The following CYGB variants were observed in gnomAD, a reference collection of about 807,000 sequenced individuals.
The protein encoded by CYGB is cytoglobin, also known as histoglobin.
In CYGB, 13 loss-of-function variants were observed where a neutral mutation model predicts 20.7. The observed-to-expected ratio is 0.63, with a 90% CI of 0.41 to 1.00. The LOEUF (loss-of-function observed/expected upper bound fraction) is 1.00. CYGB is among the 50% of genes least tolerant of loss of function. CYGB has a pLI of 0.00. For missense variants in CYGB, 218 were observed against 257.2 expected (o/e 0.85, Z 1.04); for synonymous variants, 93 against 107.4 (o/e 0.87, Z 0.83).
upstream of CYGB, chr17:76,540,648 C>CA: frequency 7.6e-6 from 11 of 1,455,996 alleles, no homozygotes; most frequent in Non-Finnish European, 1.1e-5. The surrounding 1 kb of genome is among the most constrained non-coding windows in gnomAD (Gnocchi z 5.0). Flanking sequence ...TGGGGGTGCA[C>CA]GTGTGTGCCT....
chr17:76,549,127 C>T (rs928525059), intron 1 of CYGB, among the ~76,000 whole-genome samples: 8 of 152,190 alleles, frequency 5.3e-5, no homozygotes, highest in African/African-American at 1.9e-4. Flanking sequence ...AAAATCAATA[C>T]ACTGGACTTT....
At chr17:76,548,896 T>C (rs534147382) in intron 1 of CYGB, among the ~76,000 whole-genome samples, 117 of 152,284 alleles carry the variant, frequency 7.7e-4, no homozygotes, top group African/African-American at 2.7e-3. Context: ...AGCTTCTGCC[T>C]GGAGACAGTT....
At chr17:76,544,441 T>G (rs2075030496) in intron 1 of CYGB, 1 of 454,838 alleles carries the variant, frequency 2.2e-6, no homozygotes. Context: ...TGCACCCCGC[T>G]GGGGAGGGCC....
rs1162789890 is a variant in CYGB, at chr17:76,537,499, C to T, written c.44G>A (p.Arg15Gln). 2 of 1,579,446 alleles carry T rather than the reference C, an allele frequency of 1.3e-6. No individual in the cohort carries two copies. Among genetic ancestry groups the T allele is most frequent in the Admixed American group, 3.5e-5 (2 of 56,978 alleles). ...PGEMEIERRERSEELSEAERK... is the reference protein window; with the variant it reads ...PGEMEIERREQSEELSEAERK... ...CTCCGCCTCGGACAGCTCCTCGCTC[C>T]GCTCCCTGCGCTCGATCTCCATCTC... Residue 15 changes from arginine (R) to glutamine (Q), a missense_variant, in exon 1 of 4, where the codon CGG (arginine) becomes CAG (glutamine). Arg to Gln is a conservative substitution (Grantham distance 43). This residue lies in a region of CYGB where 152 missense variants were observed against 149.9 expected (regional missense o/e 1.01). Coordinates refer to ENST00000293230, the MANE Select transcript of CYGB (RefSeq NM_134268.5).
rs1020713425 is a variant in CYGB, at chr17:76,528,458, A to G, written c.*120T>C. ...GCCGCCACAGAGGCCTCCTTCGGGGAAGTTGAGTCAGGGATTCCTCCAGCT... is the reference window on the plus strand; with the variant it reads ...GCCGCCACAGAGGCCTCCTTCGGGGGAGTTGAGTCAGGGATTCCTCCAGCT... On this transcript the variant is annotated 3_prime_UTR_variant, in exon 4 of 4. Coordinates refer to ENST00000293230, the MANE Select transcript of CYGB (RefSeq NM_134268.5). The surrounding 1 kb of genome is among the most constrained non-coding windows in gnomAD (Gnocchi z 5.8). 2.1e-6 allele frequency: 2 copies of G among 971,030 alleles called. No individual in the cohort carries two copies. The highest frequency in any genetic ancestry group is 3.4e-5 in the African/African-American group (2 of 59,028). The allele number at this position is 971,030 out of a possible 1,614,324, so 60.2% of individuals were successfully genotyped here. A position where few individuals can be genotyped will look rare whatever the true frequency, so the allele number is the denominator to read the frequency against.
chr17:76,528,049 T>C lies in CYGB; in HGVS notation c.*529A>G, dbSNP rs2074788130. 2.7e-6 allele frequency: 1 copy of C among 371,090 alleles called. No individual in the cohort carries two copies. Among genetic ancestry groups the C allele is most frequent in the African/African-American group, 2.1e-5 (1 of 47,660 alleles). 23.0% of individuals were successfully genotyped at this position (371,090 alleles called of 1,614,324 possible). A position where few individuals can be genotyped will look rare whatever the true frequency, so the allele number is the denominator to read the frequency against. ...TCTCTGCACAACCGGAACCCCTCCC[T>C]GCCCCACTCACAGGTGGGCCAAACC... On this transcript the variant is annotated 3_prime_UTR_variant, in exon 4 of 4. Coordinates refer to ENST00000293230, the MANE Select transcript of CYGB (RefSeq NM_134268.5). This position sits in a 1 kb window ranked among gnomAD's most constrained non-coding sequence, Gnocchi z 5.8.
At chr17:76,534,398 C>T (rs149369944) in intron 1 of CYGB, among the ~76,000 whole-genome samples, 355 of 152,272 alleles carry the variant, frequency 2.3e-3, no homozygotes, top group Admixed American at 4.4e-3. Flanking sequence ...AGGCTGGTGT[C>T]GAACTCCTGA....
At position 76,528,289 on chromosome 17, in the gene CYGB, C is replaced by T. The variant is rs867492091; in HGVS notation, c.*289G>A. 6 of 400,088 alleles carry T rather than the reference C, an allele frequency of 1.5e-5. No individual in the cohort carries two copies. Among genetic ancestry groups the T allele is most frequent in the East Asian group, 1.4e-4 (4 of 28,100 alleles). 24.8% of individuals were successfully genotyped at this position (400,088 alleles called of 1,614,324 possible). On this transcript the variant is annotated 3_prime_UTR_variant, in exon 4 of 4. Transcript: ENST00000293230. This position sits in a 1 kb window ranked among gnomAD's most constrained non-coding sequence, Gnocchi z 5.8. ...CCCTAAGGGACTCCTAGACCTGTCC[C>T]GCTTCCTGCCAGCCGCTCAGCTAGG...
At position 76,537,579 on chromosome 17, in the gene CYGB, C is replaced by T; in HGVS notation, c.-37G>A. ...AGCCCAGCCCGGCTTTGCTCGGCGG[C>T]GGCGGTGGCGGGGCGCGGGGCGCGG... On this transcript the variant is annotated 5_prime_UTR_variant, in exon 1 of 4. Transcript: ENST00000293230. The T allele has an allele frequency of 8.0e-7, 1 of 1,254,092 alleles. No individual in the cohort carries two copies. Among genetic ancestry groups the T allele is most frequent in the Non-Finnish European group, 1.0e-6 (1 of 989,752 alleles). The allele number at this position is 1,254,092 out of a possible 1,614,324, so 77.7% of individuals were successfully genotyped here. A position where few individuals can be genotyped will look rare whatever the true frequency, so the allele number is the denominator to read the frequency against.
In CYGB at chr17:76,544,414, C is replaced by T. The variant is rs886053479; in HGVS notation, c.-53+6448G>A. 4.4e-6 allele frequency: 2 copies of T among 454,712 alleles called. No individual in the cohort carries two copies. The highest frequency in any genetic ancestry group is 8.8e-6 in the Non-Finnish European group (2 of 226,962). 28.2% of individuals were successfully genotyped at this position (454,712 alleles called of 1,614,324 possible). ...CAGAGGGAACCGCTGGGGAGGCGCT[C>T]AGGGTGGGGGAGGAGGTGCACCCCG... On this transcript the variant is annotated intron_variant, in intron 1 of 3. Transcript: ENST00000589145.
At chr17:76,543,938 T>C in intron 1 of CYGB, 1 of 469,830 alleles carries the variant, frequency 2.1e-6, no homozygotes, top group Non-Finnish European at 4.4e-6. Flanking sequence ...TTTCTGTATG[T>C]GTGCAAGCGC....
At position 76,528,592 on chromosome 17, in the gene CYGB, A is replaced by T; in HGVS notation, c.559T>A (p.Ser187Thr). The T allele has an allele frequency of 7.8e-7, 1 of 1,285,100 alleles. No individual in the cohort carries two copies. Among genetic ancestry groups the T allele is most frequent in the South Asian group, 3.2e-5 (1 of 31,218 alleles). The allele number at this position is 1,285,100 out of a possible 1,614,324, so 79.6% of individuals were successfully genotyped here. A position where few individuals can be genotyped will look rare whatever the true frequency, so the allele number is the denominator to read the frequency against. The stretch of plus-strand genomic sequence containing the variant: ...AGTTAGGGGTCCTACGGCCCCGAAG[A>T]GGGCAGTGTGGCCGGTGGGCTGTGG... ...NATTPPATLP[S>T]SGP The change falls in exon 4 of 4, where the codon TCT (serine) becomes ACT (threonine). Residue 187 changes from serine (S) to threonine (T), a missense_variant. This residue lies in a region of CYGB where 66 missense variants were observed against 107.4 expected (regional missense o/e 0.61). Coordinates refer to ENST00000293230, the MANE Select transcript of CYGB (RefSeq NM_134268.5). This position sits in a 1 kb window ranked among gnomAD's most constrained non-coding sequence, Gnocchi z 5.8.
chr17:76,538,208 G>T (rs1377467857), upstream of CYGB: 1 of 157,998 alleles, frequency 6.3e-6, no homozygotes, highest in Non-Finnish European at 1.4e-5. Context: ...CCCCTCCGGC[G>T]GCCGCCGTGG....
chr17:76,544,055 G>C (rs2075024529), intron 1 of CYGB: 1 of 454,742 alleles, frequency 2.2e-6, no homozygotes, highest in Non-Finnish European at 4.4e-6. Flanking sequence ...GCCCCCAGCT[G>C]CTCTGCCATT....
chr17:76,543,246 C>A (rs769464726), intron 1 of CYGB: 1 of 367,818 alleles, frequency 2.7e-6, no homozygotes, highest in Non-Finnish European at 5.5e-6. Context: ...TGCTCTCGGA[C>A]GGGCTTCCTT....
chr17:76,543,227 C>T (rs578090339), intron 1 of CYGB: 12 of 384,774 alleles, frequency 3.1e-5, no homozygotes, highest in Middle Eastern at 7.2e-4. Flanking sequence ...AAAGAGCAGA[C>T]GTGCTCGCTG....
At chr17:76,536,573 C>T (rs901103783) in intron 1 of CYGB, among the ~76,000 whole-genome samples, 3 of 152,130 alleles carry the variant, frequency 2.0e-5, no homozygotes, top group Non-Finnish European at 2.9e-5. Context: ...GACACATCAC[C>T]TCTATAAGGA....
rs1417215358 is a variant in CYGB, at chr17:76,530,909, T to C, written c.539+70A>G. 38 of 1,478,048 alleles carry C rather than the reference T, an allele frequency of 2.6e-5. No individual in the cohort carries two copies. Among genetic ancestry groups the C allele is most frequent in the Non-Finnish European group, 3.4e-5 (38 of 1,104,730 alleles). 91.6% of individuals were successfully genotyped at this position (1,478,048 alleles called of 1,614,324 possible). A position where few individuals can be genotyped will look rare whatever the true frequency, so the allele number is the denominator to read the frequency against. On this transcript the variant is annotated intron_variant, in intron 3 of 3. Coordinates refer to ENST00000293230, the MANE Select transcript of CYGB (RefSeq NM_134268.5). The surrounding 1 kb of genome is among the most constrained non-coding windows in gnomAD (Gnocchi z 6.1). The stretch of plus-strand genomic sequence containing the variant: ...ATCAGCCCCAGGGCCTCAGGAGATA[T>C]GGGAGACCTCGGGGACAGCAGAGGA...
rs1250239815 is a variant in CYGB, at chr17:76,548,285, CAGAG to C, written c.-53+2573_-53+2576del. 3.3e-5 allele frequency among the ~76,000 whole-genome samples: 5 copies of C among 151,778 alleles called. No homozygotes were observed. The East Asian group carries it at 5.8e-4, about 18-fold the overall frequency. On this transcript the variant is annotated intron_variant, in intron 1 of 3. Coordinates refer to the CYGB transcript ENST00000589145. The stretch of plus-strand genomic sequence containing the variant: ...AGATACACATAAACATACATACACA[CAGAG>C]AGACATACACATACACAAATACACA...
Sources: allele counts gnomAD v4.1 joint callset (sites outside exome capture counted in the v4.1 genomes callset), GRCh38; gene constraint gnomAD v4.1.1; regional missense constraint gnomAD v4.1.1; non-coding constraint Gnocchi (gnomAD v3.1); transcripts MANE v1.5; gene names NCBI Gene and HGNC (gene_info 2026-07-23, HGNC 2026-07-21).